IMMP2L: variants seen among roughly 807,000 people sequenced by gnomAD.
IMMP2L encodes the protein inner mitochondrial membrane peptidase subunit 2, also known as mitochondrial inner membrane protease subunit 2.
In IMMP2L, 18 loss-of-function variants were observed where a neutral mutation model predicts 19.3. The ratio of observed to expected loss-of-function variants is 0.93; its 90% confidence interval spans 0.64 to 1.38. The LOEUF (loss-of-function observed/expected upper bound fraction) is 1.38, where lower values mean the gene tolerates loss of function less well. IMMP2L is among the 40% of genes most tolerant of loss of function. The pLI, the probability that IMMP2L is intolerant of heterozygous loss-of-function variation, is 0.00. For synonymous variants in IMMP2L, 76 were observed against 73.0 expected (o/e 1.04, Z -0.21); for missense variants, 233 against 218.2 (o/e 1.07, Z -0.43).
intron 3 of IMMP2L, among the ~76,000 whole-genome samples, chr7:111,197,323 CGTG>C (rs1562914807): frequency 6.6e-6 from 1 of 151,850 alleles, no homozygotes; most frequent in East Asian, 1.9e-4. Flanking sequence ...ATTAGCCGGG[CGTG>C]GTGGCGGGCG....
At position 111,116,630 on chromosome 7, in the gene IMMP2L, A is replaced by G. The variant is rs543254683; in HGVS notation, c.240-153065T>C. Among the ~76,000 whole-genome samples the G allele has an allele frequency of 1.2e-3, 190 of 152,304 alleles. 1 individual carries two copies. The highest frequency in any genetic ancestry group is 0.01 in the Middle Eastern group (3 of 294). ...AAAAATTTAGTGCATATTTTGTGAG[A>G]AACTAAGATTCAGAGAGCGATGTGA... On this transcript the variant is annotated intron_variant, in intron 3 of 5. Transcript: ENST00000405709.
intron 3 of IMMP2L, among the ~76,000 whole-genome samples, chr7:111,364,299 G>C (rs1282862875): frequency 1.3e-5 from 2 of 151,852 alleles, no homozygotes; most frequent in Non-Finnish European, 2.9e-5. Flanking sequence ...GTGTTCTTAT[G>C]TCATCTGCTA....
chr7:111,164,474 G>GACCCATTCACAGGACAT (rs1805616160), intron 3 of IMMP2L, among the ~76,000 whole-genome samples: 1 of 151,978 alleles, frequency 6.6e-6, no homozygotes, highest in African/African-American at 2.4e-5. Context: ...GGGTCACTAG[G>GACCCATTCACAGGACAT]GAAGTCACCA....
chr7:111,534,133 C>T (rs1847653942), intron 1 of IMMP2L, among the ~76,000 whole-genome samples: 1 of 151,968 alleles, frequency 6.6e-6, no homozygotes, highest in Non-Finnish European at 1.5e-5. Context: ...GTAATATGTA[C>T]CAAAATGTTA....
Position 110,735,681 on chromosome 7 carries a change from T to TACACACAC in IMMP2L, c.409-71968_409-71961dup, listed in dbSNP as rs3051068. Among the ~76,000 whole-genome samples the TACACACAC allele has an allele frequency of 4.6e-3, 528 of 114,784 alleles. 6 individuals carry two copies. The highest frequency in any genetic ancestry group is 0.017 in the South Asian group (52 of 3,000). 75.3% of individuals were successfully genotyped at this position (114,784 alleles called of 152,430 possible). A position where few individuals can be genotyped will look rare whatever the true frequency, so the allele number is the denominator to read the frequency against. ...TATATATATATATATAGTAGACAAA[T>TACACACAC]ACACACACACACACACACACACACA... On this transcript the variant is annotated intron_variant, in intron 5 of 5. Coordinates refer to ENST00000405709, the MANE Select transcript of IMMP2L (RefSeq NM_032549.4).
chr7:111,155,244 G>A (rs1383964218), intron 3 of IMMP2L, among the ~76,000 whole-genome samples: 1 of 152,048 alleles, frequency 6.6e-6, no homozygotes, highest in African/African-American at 2.4e-5. Flanking sequence ...CATTGCAGTA[G>A]TGTGTGTCGT....
chr7:110,932,587 C>CACGA (rs1255650438), intron 4 of IMMP2L, among the ~76,000 whole-genome samples: 2 of 152,024 alleles, frequency 1.3e-5, no homozygotes, highest in Non-Finnish European at 2.9e-5. Flanking sequence ...ATCTCCTGAC[C>CACGA]TCGTGATCTA....
intron 3 of IMMP2L, among the ~76,000 whole-genome samples, chr7:111,380,409 C>T (rs1376905518): frequency 2.0e-5 from 3 of 151,950 alleles, no homozygotes; most frequent in African/African-American, 4.8e-5. Flanking sequence ...GATAACAACA[C>T]TCAGAATGCA....
chr7:111,384,081 T>C (rs1466628404), intron 3 of IMMP2L, among the ~76,000 whole-genome samples: 1 of 151,908 alleles, frequency 6.6e-6, no homozygotes, highest in African/African-American at 2.4e-5. Context: ...GAGTTTGAGG[T>C]TGTAATGAGC....
chr7:111,419,108 T>A (rs968935506), intron 3 of IMMP2L, among the ~76,000 whole-genome samples: 10 of 151,806 alleles, frequency 6.6e-5, no homozygotes, highest in African/African-American at 2.4e-4. Flanking sequence ...TTTAAATAAA[T>A]TGCATTTATA....
intron 5 of IMMP2L, among the ~76,000 whole-genome samples, chr7:110,836,450 C>T (rs1044816432): frequency 6.6e-5 from 10 of 152,070 alleles, no homozygotes; most frequent in African/African-American, 1.2e-4. Flanking sequence ...ATAAGTCTCA[C>T]GAATCTGATG....
chr7:110,983,470 C>T (rs890575494), intron 3 of IMMP2L, among the ~76,000 whole-genome samples: 98 of 152,000 alleles, frequency 6.4e-4, no homozygotes, highest in Non-Finnish European at 1.1e-3. Flanking sequence ...CTTCCCTTCT[C>T]GTCATCATAT....
intron 5 of IMMP2L, among the ~76,000 whole-genome samples, chr7:110,770,032 T>C (rs569043332): frequency 1.3e-5 from 2 of 152,142 alleles, no homozygotes; most frequent in Non-Finnish European, 2.9e-5. Context: ...TATGCATTCA[T>C]ACAAACAGAG....
chr7:110,974,862 A>G (rs997042319), intron 3 of IMMP2L, among the ~76,000 whole-genome samples: 1 of 152,168 alleles, frequency 6.6e-6, no homozygotes, highest in African/African-American at 2.4e-5. Context: ...TTTAAACACA[A>G]TTATTTACTG....
At chr7:111,088,568 T>C (rs1476310593) in intron 3 of IMMP2L, among the ~76,000 whole-genome samples, 2 of 152,100 alleles carry the variant, frequency 1.3e-5, no homozygotes, top group Non-Finnish European at 2.9e-5. Flanking sequence ...TAGGGTAATA[T>C]GGTGGAAAAA....
intron 4 of IMMP2L, among the ~76,000 whole-genome samples, chr7:110,907,692 T>A (rs1369209697): frequency 1.3e-5 from 2 of 152,206 alleles, no homozygotes; most frequent in Non-Finnish European, 2.9e-5. Context: ...CAAGGCATAA[T>A]CATGAGTTCA....
intron 4 of IMMP2L, among the ~76,000 whole-genome samples, chr7:110,895,436 A>C (rs1031362752): frequency 6.6e-6 from 1 of 152,258 alleles, no homozygotes; most frequent in East Asian, 1.9e-4. Flanking sequence ...GTGGCTTTAT[A>C]GGTCTTGAAA....
rs937048750 is a variant in IMMP2L at position 110,900,777 on chromosome 7, A to T, written c.306-14082T>A. 2.0e-5 allele frequency among the ~76,000 whole-genome samples: 3 copies of T among 152,246 alleles called. No homozygotes were observed. The South Asian group carries it at 6.2e-4, about 32-fold the overall frequency. ...TGGTAGCATCCATTTTGCTATTGTG[A>T]CAACTAAAAATGTCTCCAAACGTTG... On this transcript the variant is annotated intron_variant, in intron 4 of 5. Coordinates refer to ENST00000405709, the MANE Select transcript of IMMP2L (RefSeq NM_032549.4).
chr7:110,735,849 A>G (rs1415883651), intron 5 of IMMP2L, among the ~76,000 whole-genome samples: 16 of 143,582 alleles, frequency 1.1e-4, no homozygotes, highest in African/African-American at 3.8e-4. Flanking sequence ...TCTGCCTCAA[A>G]AAAAAAAAAA....
Sources: allele counts gnomAD v4.1 joint callset (sites outside exome capture counted in the v4.1 genomes callset), GRCh38; gene constraint gnomAD v4.1.1; transcripts MANE v1.5; gene names NCBI Gene and HGNC (gene_info 2026-07-23, HGNC 2026-07-21).